Variants in GPR63 observed in about 807,000 individuals in gnomAD.
GPR63 encodes the protein G protein-coupled receptor 63.
GPR63 carries 12 observed loss-of-function variants against 23.1 expected under a neutral mutation model. That is an observed-to-expected ratio of 0.52 (90% CI 0.33 to 0.84). The LOEUF is 0.84. Ranked by LOEUF, GPR63 falls within the 40% of genes least tolerant of loss-of-function variation. GPR63 has a pLI of 0.02. For synonymous variants in GPR63, 172 were observed against 191.1 expected (o/e 0.90, Z 0.82); for missense variants, 472 against 515.6 (o/e 0.92, Z 0.82).
chr6:96,812,838 T>C (rs1428409228), intron 1 of GPR63, among the ~76,000 whole-genome samples: 1 of 152,168 alleles, frequency 6.6e-6, no homozygotes, highest in African/African-American at 2.4e-5. Flanking sequence ...AACATTTCTA[T>C]GTGTTGGGAA....
At chr6:96,821,679 C>G (rs12209999) in intron 1 of GPR63, among the ~76,000 whole-genome samples, 42,463 of 151,946 alleles carry the variant, frequency 0.28, 5,999 homozygotes, top group South Asian at 0.31. Context: ...GTGATTATCC[C>G]TGAGAGCTCC....
intron 1 of GPR63, among the ~76,000 whole-genome samples, chr6:96,812,585 T>C (rs1431658693): frequency 6.6e-6 from 1 of 152,116 alleles, no homozygotes; most frequent in African/African-American, 2.4e-5. Flanking sequence ...TAAAAATGTA[T>C]TTTTAAGTGG....
chr6:96,820,286 G>A (rs1484975593), intron 1 of GPR63, among the ~76,000 whole-genome samples: 1 of 152,104 alleles, frequency 6.6e-6, no homozygotes, highest in Admixed American at 6.6e-5. Flanking sequence ...ACAAAATAAG[G>A]TATTTAGACA....
rs1018150463 is a variant in GPR63, at chr6:96,797,284, C to G, written c.*1188G>C. On this transcript the variant is annotated 3_prime_UTR_variant, in exon 2 of 2. Coordinates refer to ENST00000229955, the MANE Select transcript of GPR63 (RefSeq NM_030784.4). Reference sequence around the variant, plus strand: ...TTTTCTTTTCTATTTTCCAGTGTTTCTGTAATGCTTTCATATTTCTTTTGG... The same window carrying G: ...TTTTCTTTTCTATTTTCCAGTGTTTGTGTAATGCTTTCATATTTCTTTTGG... 2 of 152,136 alleles carry G rather than the reference C, an allele frequency of 1.3e-5. No homozygotes were observed. The highest frequency in any genetic ancestry group is 4.8e-5 in the African/African-American group (2 of 41,418). 9.4% of individuals were successfully genotyped at this position (152,136 alleles called of 1,614,324 possible).
At chr6:96,817,921 G>A (rs1289198559) in intron 1 of GPR63, among the ~76,000 whole-genome samples, 1 of 150,056 alleles carries the variant, frequency 6.7e-6, no homozygotes, top group Non-Finnish European at 1.5e-5. Flanking sequence ...TATGATTGGT[G>A]CGTCTTTCTG....
At chr6:96,835,609 G>A (rs966249373) in intron 1 of GPR63, among the ~76,000 whole-genome samples, 1 of 151,988 alleles carries the variant, frequency 6.6e-6, no homozygotes, top group African/African-American at 2.4e-5. Context: ...AACTACATAG[G>A]GGTTTTAGTT....
Position 96,798,617 on chromosome 6 carries a change from T to C in GPR63, c.1115A>G (p.Tyr372Cys). 1 of 1,614,172 alleles carries C rather than the reference T, an allele frequency of 6.2e-7. No individual in the cohort carries two copies. Among genetic ancestry groups the C allele is most frequent in the Non-Finnish European group, 8.5e-7 (1 of 1,180,018 alleles). ...LKSALNPLIY[Y>C]WRIKKFHDAC... ...ATCATGGAATTTCTTAATCCTCCAG[T>C]AGTAGATCAGCGGATTCAATGCAGA... Residue 372 changes from tyrosine to cysteine, a missense_variant, in exon 2 of 2, where the codon TAC becomes TGC. Physicochemically the swap from Tyr to Cys is radical, Grantham distance 194. Coordinates refer to ENST00000229955, the MANE Select transcript of GPR63 (RefSeq NM_030784.4).
intron 1 of GPR63, among the ~76,000 whole-genome samples, chr6:96,801,859 G>A (rs920360035): frequency 6.6e-6 from 1 of 152,080 alleles, no homozygotes; most frequent in Non-Finnish European, 1.5e-5. Flanking sequence ...TAACCACAAA[G>A]GGGCCAGTGG....
At chr6:96,813,202 C>T (rs1774085703) in intron 1 of GPR63, among the ~76,000 whole-genome samples, 1 of 152,084 alleles carries the variant, frequency 6.6e-6, no homozygotes. Flanking sequence ...AAATAGAACT[C>T]CACTGTGTAC....
At chr6:96,820,382 C>T (rs1025588105) in intron 1 of GPR63, among the ~76,000 whole-genome samples, 1 of 151,996 alleles carries the variant, frequency 6.6e-6, no homozygotes, top group Non-Finnish European at 1.5e-5. Context: ...GTATTCTCAT[C>T]GGTAAAGGGC....
chr6:96,830,849 A>G (rs1774561831), intron 1 of GPR63, among the ~76,000 whole-genome samples: 1 of 152,216 alleles, frequency 6.6e-6, no homozygotes, highest in Non-Finnish European at 1.5e-5. Flanking sequence ...TTGTTACTAG[A>G]AGTGACCACA....
chr6:96,811,837 AAAATAAATAAATAAATAAAT>A (rs199649144), intron 1 of GPR63, among the ~76,000 whole-genome samples: 1,557 of 142,078 alleles, frequency 0.011, 10 homozygotes, highest in African/African-American at 0.02. Context: ...TATTTCATTA[AAAATAAATAAATAAATAAAT>A]AAATAAATAA....
At chr6:96,830,457 C>T (rs893735456) in intron 1 of GPR63, among the ~76,000 whole-genome samples, 1 of 152,078 alleles carries the variant, frequency 6.6e-6, no homozygotes, top group African/African-American at 2.4e-5. Context: ...GAAAATGATA[C>T]TTACTTAAAC....
intron 1 of GPR63, among the ~76,000 whole-genome samples, chr6:96,824,176 T>C (rs1306245801): frequency 3.3e-5 from 5 of 152,080 alleles, no homozygotes; most frequent in Admixed American, 3.3e-4. Context: ...GAATAGGTCC[T>C]GGGGAATAAG....
intron 1 of GPR63, among the ~76,000 whole-genome samples, chr6:96,810,679 T>G (rs534916325): frequency 6.6e-6 from 1 of 152,092 alleles, no homozygotes; most frequent in East Asian, 1.9e-4. Context: ...CCCATTGTTA[T>G]GTATGTATGT....
At chr6:96,809,537 C>T (rs1244764855) in intron 1 of GPR63, among the ~76,000 whole-genome samples, 7 of 151,904 alleles carry the variant, frequency 4.6e-5, no homozygotes, top group Non-Finnish European at 8.8e-5. Flanking sequence ...TATATATAAC[C>T]AAAAAATTCT....
In GPR63 at chr6:96,799,461, T is replaced by C; in HGVS notation, c.271A>G (p.Ile91Val). ...QITLSAIMIF[I>V]LFVSFLGNLV... ...TTCCCAAGAAAAGACACAAACAGAATGAATATCATTATAGCAGAAAGGGTG... is the reference window on the plus strand; with the variant it reads ...TTCCCAAGAAAAGACACAAACAGAACGAATATCATTATAGCAGAAAGGGTG... Residue 91 changes from isoleucine to valine, a missense_variant, in exon 2 of 2, where the codon ATT becomes GTT. Ile to Val is a conservative substitution (Grantham distance 29). Coordinates refer to ENST00000229955, the MANE Select transcript of GPR63 (RefSeq NM_030784.4). 1 of 1,614,014 alleles carries C rather than the reference T, an allele frequency of 6.2e-7. No homozygotes were observed. The highest frequency in any genetic ancestry group is 8.5e-7 in the Non-Finnish European group (1 of 1,179,974).
chr6:96,825,722 A>T (rs943868390), intron 1 of GPR63, among the ~76,000 whole-genome samples: 2 of 152,128 alleles, frequency 1.3e-5, no homozygotes, highest in African/African-American at 4.8e-5. Flanking sequence ...TATGACATGG[A>T]AGCTTAATTT....
At position 96,795,809 on chromosome 6, in the gene GPR63, AT is replaced by A. The variant is rs1199775628; in HGVS notation, c.*2662del. 1 of 152,230 alleles carries A rather than the reference AT, an allele frequency of 6.6e-6. No individual in the cohort carries two copies. The highest frequency in any genetic ancestry group is 1.5e-5 in the Non-Finnish European group (1 of 68,038). The allele number at this position is 152,230 out of a possible 1,614,324, so 9.4% of individuals were successfully genotyped here. A position where few individuals can be genotyped will look rare whatever the true frequency, so the allele number is the denominator to read the frequency against. On this transcript the variant is annotated 3_prime_UTR_variant, in exon 2 of 2. Coordinates refer to ENST00000229955, the MANE Select transcript of GPR63 (RefSeq NM_030784.4). ...TCCTCAGAGAAAAGTCTAATAAAAA[AT>A]GTCCTTATCAATATCTGCTTGAAAT...
Sources: gnomAD v4.1 joint callset for allele counts (sites outside exome capture counted in the v4.1 genomes callset) on GRCh38, gnomAD v4.1.1 for gene constraint, MANE v1.5 for transcripts, NCBI Gene and HGNC (gene_info 2026-07-23, HGNC 2026-07-21) for gene names.